The following SLCO4C1 variants were observed in gnomAD, a reference collection of about 807,000 sequenced individuals.
The protein encoded by SLCO4C1 is solute carrier organic anion transporter family member 4C1.
SLCO4C1 carries 58 observed loss-of-function variants against 72.1 expected under a neutral mutation model. The ratio of observed to expected loss-of-function variants is 0.80; its 90% confidence interval spans 0.65 to 1.00. The LOEUF is 1.00. Among genes scored for constraint, SLCO4C1 ranks in the 50% least tolerant of loss-of-function variants. The pLI is 0.00. For missense variants in SLCO4C1, 898 were observed against 857.9 expected, an observed-to-expected ratio of 1.05 and a Z score of -0.58; for synonymous variants, 297 against 312.5, an observed-to-expected ratio of 0.95 and a Z score of 0.52.
chr5:102,240,708 A>C lies in SLCO4C1; in HGVS notation c.1876+10T>G. The C allele has an allele frequency of 6.2e-7, 1 of 1,607,234 alleles. No homozygotes were observed. Among genetic ancestry groups the C allele is most frequent in the Non-Finnish European group, 8.5e-7 (1 of 1,175,946 alleles). On this transcript the variant is annotated intron_variant, in intron 11 of 12. Transcript: ENST00000310954. The stretch of plus-strand genomic sequence containing the variant: ...CAACAGTTAGCAATGAATAAAGAAA[A>C]ATGGCATACCTAATAATCGAAGGAC...
At position 102,237,025 on chromosome 5, in the gene SLCO4C1, G is replaced by GAA; in HGVS notation, c.2015-9_2015-8dup. 3.4e-6 allele frequency: 5 copies of GAA among 1,482,784 alleles called. No individual in the cohort carries two copies. Among genetic ancestry groups the GAA allele is most frequent in the Non-Finnish European group, 1.8e-6 (2 of 1,111,750 alleles). 91.9% of individuals were successfully genotyped at this position (1,482,784 alleles called of 1,614,324 possible). A position where few individuals can be genotyped will look rare whatever the true frequency, so the allele number is the denominator to read the frequency against. On this transcript the variant is annotated splice_polypyrimidine_tract_variant and splice_region_variant and intron_variant, in intron 12 of 12. Transcript: ENST00000310954. Reference sequence around the variant, plus strand: ...ATAACTTTACAAGTAACACCTAAGTGAAAAAAAAAATTAATCATGTGCTTT... The same window carrying GAA: ...ATAACTTTACAAGTAACACCTAAGTGAAAAAAAAAAAATTAATCATGTGCTTT...
rs764677272 is a variant in SLCO4C1, at chr5:102,262,021, A to G, written c.912T>C (p.Thr304=). ...DVAMGESTDV[T]EDDPRWLGAW... is the part of the protein sequence containing the mutation. ...CTCCCAACCATCGCGGATCATCCTC[A>G]GTGACATCAGTGCTATATGATAGAA... Residue 304 remains threonine (T), a synonymous_variant, in exon 5 of 13, where the codon ACT becomes ACC. Transcript: ENST00000310954. 30 of 1,612,486 alleles carry G rather than the reference A, an allele frequency of 1.9e-5. No homozygotes were observed. The highest frequency in any genetic ancestry group is 2.4e-5 in the Non-Finnish European group (28 of 1,179,216).
intron 2 of SLCO4C1, among the ~76,000 whole-genome samples, chr5:102,289,867 A>G (rs1439329101): frequency 6.6e-6 from 1 of 151,072 alleles, no homozygotes; most frequent in Non-Finnish European, 1.5e-5. Context: ...AATGAAGCCT[A>G]CTTACCTAAT....
At chr5:102,292,695 A>G (rs1386504575) in intron 1 of SLCO4C1, among the ~76,000 whole-genome samples, 1 of 152,168 alleles carries the variant, frequency 6.6e-6, no homozygotes, top group Non-Finnish European at 1.5e-5. Flanking sequence ...TAAACAAGGT[A>G]AGACTGAAAA....
At chr5:102,254,526 G>T (rs1344565269) in intron 8 of SLCO4C1, among the ~76,000 whole-genome samples, 1 of 152,074 alleles carries the variant, frequency 6.6e-6, no homozygotes, top group Non-Finnish European at 1.5e-5. Context: ...TGATGTGTGT[G>T]TTCTGACTGC....
chr5:102,286,668 A>G (rs1749457937), intron 2 of SLCO4C1, among the ~76,000 whole-genome samples: 1 of 152,176 alleles, frequency 6.6e-6, no homozygotes, highest in South Asian at 2.1e-4. Flanking sequence ...TTTTTAGTCC[A>G]GTAACAACCA....
intron 10 of SLCO4C1, among the ~76,000 whole-genome samples, chr5:102,242,413 C>T (rs1306546133): frequency 2.0e-5 from 3 of 152,164 alleles, no homozygotes; most frequent in Non-Finnish European, 1.5e-5. Context: ...CCAGGCTGCA[C>T]AGCTCCAGGT....
chr5:102,260,312 T>A lies in SLCO4C1; in HGVS notation c.1029A>T (p.Ala343=). ...SCFPKHLPGT[A]EIQAGKTSQA... ...GGGAAGTTTTTCCAGCTTGAATTTC[T>A]GCTGTACCTAAAAAAAAAATATATA... Residue 343 remains alanine, a synonymous_variant, in exon 6 of 13, where the codon GCA becomes GCT. Transcript: ENST00000310954. 1 of 1,155,972 alleles carries A rather than the reference T, an allele frequency of 8.7e-7. No individual in the cohort carries two copies. The allele number at this position is 1,155,972 out of a possible 1,614,324, so 71.6% of individuals were successfully genotyped here.
In SLCO4C1 at chr5:102,238,232, G is replaced by A. The variant is rs528226437; in HGVS notation, c.2014+1019C>T. Among the ~76,000 whole-genome samples the A allele has an allele frequency of 1.9e-4, 29 of 152,126 alleles. 1 individual carries two copies. In the East Asian group the frequency reaches 4.6e-3, roughly 24 times the overall value. On this transcript the variant is annotated intron_variant, in intron 12 of 12. Transcript: ENST00000310954. ...CATTGACTAGGAAAATGAATGATTT[G>A]TTCTATCTATATCTTTGACCAAAAA...
chr5:102,283,289 G>A (rs1749390323), intron 2 of SLCO4C1, among the ~76,000 whole-genome samples: 1 of 151,828 alleles, frequency 6.6e-6, no homozygotes, highest in African/African-American at 2.4e-5. Context: ...ACTCTTCTAT[G>A]TGGTATTGAT....
chr5:102,267,928 T>G (rs977430217), intron 3 of SLCO4C1, among the ~76,000 whole-genome samples: 1 of 151,992 alleles, frequency 6.6e-6, no homozygotes, highest in Admixed American at 6.6e-5. Flanking sequence ...TGATTTCTAG[T>G]TTTTTTTCAC....
Position 102,236,861 on chromosome 5 carries a change from C to T in SLCO4C1, c.2172G>A (p.Gly724=). 1 of 1,610,720 alleles carries T rather than the reference C, an allele frequency of 6.2e-7. No individual in the cohort carries two copies. The highest frequency in any genetic ancestry group is 8.5e-7 in the Non-Finnish European group (1 of 1,179,148). Residue 724 remains glycine (G), a synonymous_variant, in exon 13 of 13, where the codon GGG becomes GGA. Transcript: ENST00000310954. ...EQDLNKIVKE[G] ...AACAGTCTTCTCTTTTCCCATTTCA[C>T]CCTTCTTTTACTATTTTGTTGAGAT... is the stretch of plus-strand genomic sequence containing the variant.
chr5:102,283,637 A>G (rs1749396462), intron 2 of SLCO4C1, among the ~76,000 whole-genome samples: 2 of 151,966 alleles, frequency 1.3e-5, no homozygotes, highest in Admixed American at 6.5e-5. Flanking sequence ...TCCACACAAT[A>G]TATCTGGTTA....
intron 9 of SLCO4C1, among the ~76,000 whole-genome samples, chr5:102,248,770 T>C (rs1030552594): frequency 1.7e-4 from 26 of 152,152 alleles, no homozygotes; most frequent in Admixed American, 5.9e-4. Flanking sequence ...GTTATCACAT[T>C]ATCTACCAAT....
rs1748409416 is a variant in SLCO4C1 at position 102,235,040 on chromosome 5, C to G, written c.*1818G>C. 6.6e-6 allele frequency: 1 copy of G among 152,206 alleles called. No homozygotes were observed. The highest frequency in any genetic ancestry group is 1.5e-5 in the Non-Finnish European group (1 of 68,050). 9.4% of individuals were successfully genotyped at this position (152,206 alleles called of 1,614,324 possible). A position where few individuals can be genotyped will look rare whatever the true frequency, so the allele number is the denominator to read the frequency against. On this transcript the variant is annotated 3_prime_UTR_variant, in exon 13 of 13. Transcript: ENST00000310954. The stretch of plus-strand genomic sequence containing the variant: ...GCAGGTCTCTCTGATTCCTGACCCA[C>G]AGCTCCTCTCCTTCTCTAATATTCA...
intron 2 of SLCO4C1, among the ~76,000 whole-genome samples, chr5:102,276,006 T>A (rs903994163): frequency 2.0e-5 from 3 of 152,114 alleles, no homozygotes; most frequent in African/African-American, 7.2e-5. Flanking sequence ...ACACAGCCAC[T>A]CCAAACCACA....
chr5:102,247,189 G>T, intron 10 of SLCO4C1, 63 bp downstream of exon 10: 2 of 1,274,906 alleles, frequency 1.6e-6, no homozygotes, highest in Non-Finnish European at 2.1e-6. Flanking sequence ...TGAACCCCGA[G>T]TCCATTTGTT....
At chr5:102,249,938 A>G (rs1242908120) in intron 8 of SLCO4C1, 150 bp from the exon 9 acceptor site, 2 of 763,164 alleles carry the variant, frequency 2.6e-6, no homozygotes, top group Non-Finnish European at 2.1e-6. Flanking sequence ...TTTGCACATA[A>G]AGTTTAACTT....
rs1266045451 is a variant in SLCO4C1 at position 102,296,074 on chromosome 5, C to T, written c.189G>A (p.Leu63=). 1.2e-6 allele frequency: 2 copies of T among 1,614,054 alleles called. No homozygotes were observed. Among genetic ancestry groups the T allele is most frequent in the African/African-American group, 2.7e-5 (2 of 74,938 alleles). ...CGGAGACATTGGGAGGGGCTGAAGGCAGAGATGGCTCTGGTGACTTCTGGG... is the reference window on the plus strand; with the variant it reads ...CGGAGACATTGGGAGGGGCTGAAGGTAGAGATGGCTCTGGTGACTTCTGGG... ...QEPQKSPEPS[L]PSAPPNVSEE... is the part of the protein sequence containing the mutation. The change falls in exon 1 of 13, where the codon CTG becomes CTA. Residue 63 remains leucine (L), a synonymous_variant. Coordinates refer to ENST00000310954, the MANE Select transcript of SLCO4C1 (RefSeq NM_180991.5).
Sources: gnomAD v4.1 joint callset for allele counts (sites outside exome capture counted in the v4.1 genomes callset) on GRCh38, gnomAD v4.1.1 for gene constraint, MANE v1.5 for transcripts, NCBI Gene and HGNC (gene_info 2026-07-23, HGNC 2026-07-21) for gene names.